Variants in ITPR1 observed in about 807,000 individuals in gnomAD.
ITPR1 encodes inositol 1,4,5-trisphosphate-gated calcium channel ITPR1.
ITPR1 carries 96 observed loss-of-function variants against 318.4 expected under a neutral mutation model. The ratio of observed to expected loss-of-function variants is 0.30; its 90% CI spans 0.26 to 0.36. The LOEUF is 0.36. Among genes scored for constraint, ITPR1 ranks in the 10% least tolerant of loss-of-function variants. ITPR1 has a pLI of 1.00. For synonymous variants in ITPR1, 1,312 were observed against 1,289.9 expected, an observed-to-expected ratio of 1.02 and a Z score of -0.37; for missense variants, 2,440 against 3,460.2, an observed-to-expected ratio of 0.71 and a Z score of 7.40.
intron 4 of ITPR1, chr3:4,596,065 G>A (rs774263191): frequency 6.6e-6 from 1 of 152,184 alleles, no homozygotes; most frequent in Non-Finnish European, 1.5e-5. Flanking sequence ...TACCAGCAGC[G>A]GTTACAGAAT....
At position 4,674,183 on chromosome 3, in the gene ITPR1, C is replaced by T. The variant is rs1259975522; in HGVS notation, c.2457-19C>T. On this transcript the variant is annotated intron_variant, in intron 21 of 61. Coordinates refer to ENST00000649015, the MANE Select transcript of ITPR1 (RefSeq NM_001378452.1). The stretch of plus-strand genomic sequence containing the variant: ...AATAACTTGAAATTTTGTTTCCTTT[C>T]TTTCTCCTTTCTTTTCAGCTATGAT... 1 of 1,529,246 alleles carries T rather than the reference C, an allele frequency of 6.5e-7. No individual in the cohort carries two copies. Among genetic ancestry groups the T allele is most frequent in the Non-Finnish European group, 8.8e-7 (1 of 1,140,972 alleles). 94.7% of individuals were successfully genotyped at this position (1,529,246 alleles called of 1,614,324 possible).
intron 4 of ITPR1, among the ~76,000 whole-genome samples, chr3:4,615,550 A>T (rs2092355104): frequency 2.0e-5 from 3 of 151,570 alleles, no homozygotes; most frequent in Admixed American, 2.0e-4. Flanking sequence ...CTAATTTTGT[A>T]TTTTTAGTAG....
At chr3:4,684,584 C>G (rs376644910) in intron 29 of ITPR1, among the ~76,000 whole-genome samples, 1 of 152,180 alleles carries the variant, frequency 6.6e-6, no homozygotes, top group East Asian at 1.9e-4. Context: ...GTAGGTGCAA[C>G]CTTTCGTAGG....
intron 40 of ITPR1, among the ~76,000 whole-genome samples, chr3:4,720,874 G>C (rs931581906): frequency 6.6e-6 from 1 of 152,082 alleles, no homozygotes; most frequent in Non-Finnish European, 1.5e-5. Context: ...ACCCAGGGTG[G>C]AGATGTCCTA....
intron 1 of ITPR1, 142 bp from the exon 2 acceptor site, chr3:4,494,289 C>G (rs991158912): frequency 1.3e-5 from 2 of 152,380 alleles, no homozygotes; most frequent in African/African-American, 2.4e-5. Context: ...ATCCCACCAA[C>G]CTGCCTACCA....
chr3:4,783,447 A>C (rs1418157311), intron 50 of ITPR1, among the ~76,000 whole-genome samples: 1 of 152,100 alleles, frequency 6.6e-6, no homozygotes, highest in African/African-American at 2.4e-5. Context: ...TGGTTAAAGA[A>C]TTTCAAACAG....
At chr3:4,669,582 G>A (rs867665461) in intron 18 of ITPR1, 72 bp from the exon 19 acceptor site, 4 of 1,474,674 alleles carry the variant, frequency 2.7e-6, no homozygotes, top group Non-Finnish European at 3.7e-6. Flanking sequence ...GTGCACTTAA[G>A]GAAGAATTGG....
At chr3:4,595,747 C>T (rs2090757856) in intron 4 of ITPR1, among the ~76,000 whole-genome samples, 1 of 151,938 alleles carries the variant, frequency 6.6e-6, no homozygotes, top group African/African-American at 2.4e-5. Context: ...TGAAGAAGGT[C>T]GCATGGCACC....
chr3:4,674,388 T>G (rs1251738117), intron 22 of ITPR1, 45 bp downstream of exon 22: 7 of 1,521,884 alleles, frequency 4.6e-6, no homozygotes, highest in Non-Finnish European at 6.2e-6. Context: ...TGCCTCTCAG[T>G]GGTCATTTTT....
chr3:4,539,466 G>T (rs2084208918), intron 4 of ITPR1, among the ~76,000 whole-genome samples: 2 of 152,068 alleles, frequency 1.3e-5, no homozygotes, highest in South Asian at 4.2e-4. Context: ...ATCCAGTGTT[G>T]AGAGACATTT....
chr3:4,734,099 C>G (rs2043114500), intron 43 of ITPR1, among the ~76,000 whole-genome samples: 1 of 152,228 alleles, frequency 6.6e-6, no homozygotes, highest in African/African-American at 2.4e-5. Context: ...TAAATGAAAA[C>G]TGGAAGCATA....
intron 4 of ITPR1, among the ~76,000 whole-genome samples, chr3:4,603,145 A>G (rs958332865): frequency 6.6e-6 from 1 of 152,186 alleles, no homozygotes; most frequent in Admixed American, 6.5e-5. Context: ...AGGGGAAGGA[A>G]ATAAGGCAAG....
At chr3:4,780,137 T>A (rs1034189365) in intron 49 of ITPR1, among the ~76,000 whole-genome samples, 3 of 152,080 alleles carry the variant, frequency 2.0e-5, no homozygotes, top group African/African-American at 7.2e-5. Context: ...AATAATAATA[T>A]TCCCTAGTCC....
intron 61 of ITPR1, 130 bp from the exon 62 acceptor site, chr3:4,846,009 G>C: frequency 1.9e-6 from 1 of 519,600 alleles, no homozygotes; most frequent in Non-Finnish European, 3.4e-6. Context: ...TTGATATAGC[G>C]ATGGTACACT....
At chr3:4,811,227 T>G (rs772559354) in intron 55 of ITPR1, 38 bp from the exon 56 acceptor site, 30 of 1,444,172 alleles carry the variant, frequency 2.1e-5, no homozygotes, top group Non-Finnish European at 2.6e-5. Context: ...ACATCTAACA[T>G]CAAGGCTTCT....
chr3:4,627,840 A>G lies in ITPR1; in HGVS notation c.241A>G (p.Asn81Asp), dbSNP rs1466149902. Residue 81 changes from asparagine to aspartate, a missense_variant, in exon 5 of 62, where the codon AAC becomes GAC. Physicochemically the swap from Asn to Asp is conservative, Grantham distance 23. This residue lies in a region of ITPR1 where 186 missense variants were observed against 323.9 expected (regional missense o/e 0.57). Transcript: ENST00000649015. ...CTGGAAAGCCGCTAAGCCTGGGGCC[A>G]ACAGCACCACAGACGCAGTGCTACT... is the stretch of plus-strand genomic sequence containing the variant. ...QFWKAAKPGA[N>D]STTDAVLLNK... 1 of 1,613,804 alleles carries G rather than the reference A, an allele frequency of 6.2e-7. No homozygotes were observed. Among genetic ancestry groups the G allele is most frequent in the South Asian group, 1.1e-5 (1 of 91,054 alleles).
At chr3:4,814,673 A>G in intron 58 of ITPR1, 111 bp downstream of exon 58, 2 of 926,802 alleles carry the variant, frequency 2.2e-6, no homozygotes, top group Non-Finnish European at 1.6e-6. Flanking sequence ...AAGAGCTGGG[A>G]GTAGGGCTGA....
intron 4 of ITPR1, among the ~76,000 whole-genome samples, chr3:4,614,565 A>T (rs1009545106): frequency 1.3e-5 from 2 of 152,180 alleles, no homozygotes; most frequent in Admixed American, 6.5e-5. Context: ...TTTCCCCCAA[A>T]TCATACAGCT....
At position 4,631,088 on chromosome 3, in the gene ITPR1, A is replaced by G. The variant is rs534597252; in HGVS notation, c.279+3210A>G. ...TGAAAACATGGGAACTTCCCCTGCA[A>G]ATAAAGGGATGTTCTTCCTCGATGA... On this transcript the variant is annotated intron_variant, in intron 5 of 61. Coordinates refer to ENST00000649015, the MANE Select transcript of ITPR1 (RefSeq NM_001378452.1). Among the ~76,000 whole-genome samples, 225 of 152,208 alleles carry G rather than the reference A, an allele frequency of 1.5e-3. 1 individual carries two copies. Among genetic ancestry groups the G allele is most frequent in the Non-Finnish European group, 3.0e-3 (202 of 68,028 alleles).
Sources: allele counts gnomAD v4.1 joint callset (sites outside exome capture counted in the v4.1 genomes callset), GRCh38; gene constraint gnomAD v4.1.1; regional missense constraint gnomAD v4.1.1; transcripts MANE v1.5; gene names NCBI Gene and HGNC (gene_info 2026-07-23, HGNC 2026-07-21).